Variants in LMO7 observed in about 807,000 individuals in gnomAD.
LMO7 encodes the protein LIM domain 7.
LMO7 carries 120 observed loss-of-function variants against 206.5 expected under a neutral mutation model. The ratio of observed to expected loss-of-function variants is 0.58; its 90% CI spans 0.50 to 0.68. LMO7 has a LOEUF of 0.68. Among genes scored for constraint, LMO7 ranks in the 30% least tolerant of loss-of-function variants. LMO7 has a pLI of 0.00. For missense variants in LMO7, 1,959 were observed against 1,957.9 expected, an observed-to-expected ratio of 1.00 and a Z score of -0.01; for synonymous variants, 706 against 681.5, an observed-to-expected ratio of 1.04 and a Z score of -0.56.
chr13:75,698,968 C>T (rs571354701), intron 1 of LMO7, among the ~76,000 whole-genome samples: 1 of 152,264 alleles, frequency 6.6e-6, no homozygotes, highest in African/African-American at 2.4e-5. Flanking sequence ...AGTCACTCTC[C>T]ATTCTCTCTC....
At chr13:75,779,886 A>C (rs1352017453) in intron 4 of LMO7, among the ~76,000 whole-genome samples, 4 of 152,190 alleles carry the variant, frequency 2.6e-5, no homozygotes, top group Non-Finnish European at 4.4e-5. Context: ...CAGTCTAAGA[A>C]ATAAAGGGAA....
chr13:75,788,320 G>A (rs936535329), intron 4 of LMO7, among the ~76,000 whole-genome samples: 10 of 151,984 alleles, frequency 6.6e-5, no homozygotes, highest in East Asian at 3.9e-4. Context: ...TTAGCCGAGC[G>A]TGTTGGCGGG....
chr13:75,840,349 AT>A, intron 21 of LMO7, 41 bp from the exon 22 acceptor site: 1 of 1,608,252 alleles, frequency 6.2e-7, no homozygotes, highest in Non-Finnish European at 8.5e-7. Context: ...TAATGAAGTT[AT>A]GTTGTTCTCT....
intron 14 of LMO7, 54 bp from the exon 15 acceptor site, chr13:75,823,511 A>G: frequency 7.4e-7 from 1 of 1,345,322 alleles, no homozygotes; most frequent in South Asian, 1.4e-5. Context: ...AACTTTTAAA[A>G]ACAGAAATAA....
intron 2 of LMO7, among the ~76,000 whole-genome samples, chr13:75,726,619 G>C (rs140543193): frequency 1.9e-4 from 29 of 152,210 alleles, no homozygotes; most frequent in African/African-American, 6.7e-4. Flanking sequence ...CTTTAAAAAT[G>C]ATCAGTTTGA....
At position 75,723,518 on chromosome 13, in the gene LMO7, G is replaced by T. The variant is rs1419584467; in HGVS notation, c.141-3511G>T. Among the ~76,000 whole-genome samples, 7 of 152,194 alleles carry T rather than the reference G, an allele frequency of 4.6e-5. No individual in the cohort carries two copies. The East Asian group carries it at 1.2e-3, about 25-fold the overall frequency. On this transcript the variant is annotated intron_variant, in intron 2 of 30. Transcript: ENST00000377534. The stretch of plus-strand genomic sequence containing the variant: ...AGCTTTCTGATAAAGGGAAAAATGA[G>T]ATTTGGCATTTAGAACTAGCTTCTG...
At chr13:75,672,674 A>G (rs2039688291) in intron 1 of LMO7, among the ~76,000 whole-genome samples, 1 of 151,980 alleles carries the variant, frequency 6.6e-6, no homozygotes, top group Non-Finnish European at 1.5e-5. Context: ...TTGCTTTGCC[A>G]CTCTAGATGC....
chr13:75,820,183 C>T (rs964554664), intron 13 of LMO7, among the ~76,000 whole-genome samples: 6 of 152,088 alleles, frequency 3.9e-5, no homozygotes, highest in African/African-American at 9.7e-5. Flanking sequence ...CACTTTCTGC[C>T]CTAAAAGCCA....
chr13:75,693,501 C>A (rs565735359), intron 1 of LMO7, among the ~76,000 whole-genome samples: 1 of 152,158 alleles, frequency 6.6e-6, no homozygotes, highest in Non-Finnish European at 1.5e-5. Context: ...ACTGGGAGCC[C>A]TCCTCCCTAC....
chr13:75,750,010 C>T (rs1449309260), intron 3 of LMO7, among the ~76,000 whole-genome samples: 1 of 151,596 alleles, frequency 6.6e-6, no homozygotes. Context: ...TTAGCTATGC[C>T]ATTATTAGTT....
At chr13:75,652,305 T>G (rs1456544183) in intron 1 of LMO7, among the ~76,000 whole-genome samples, 5 of 152,162 alleles carry the variant, frequency 3.3e-5, no homozygotes. Flanking sequence ...TGTTCCTTAC[T>G]ACCTTTCCCT....
chr13:75,801,002 A>C, intron 7 of LMO7, 120 bp downstream of exon 7: 2 of 844,652 alleles, frequency 2.4e-6, no homozygotes, highest in Non-Finnish European at 3.9e-6. Flanking sequence ...GTGGATTTTC[A>C]TAGAGACTGG....
intron 2 of LMO7, among the ~76,000 whole-genome samples, chr13:75,722,433 A>G (rs912596571): frequency 2.6e-5 from 4 of 152,230 alleles, no homozygotes; most frequent in African/African-American, 9.6e-5. Flanking sequence ...GCCAAAAAGC[A>G]TATGGAAAAA....
chr13:75,727,045 A>C lies in LMO7; in HGVS notation c.157A>C (p.Lys53Gln), dbSNP rs766665512. 5.7e-6 allele frequency: 9 copies of C among 1,585,170 alleles called. No homozygotes were observed. The South Asian group carries it at 7.8e-5, about 14-fold the overall frequency. ...TACTTTCAGTTTGATTAATAAGCTT[A>C]AACCTGGCGTCATTAAGAAGATCAA... ...VLLCDLINKL[K>Q]PGVIKKINRL... Residue 53 changes from lysine (K) to glutamine (Q), a missense_variant, in exon 3 of 31, where the codon AAA becomes CAA. Transcript: ENST00000377534.
chr13:75,795,488 T>G (rs1725204351), intron 5 of LMO7, 57 bp downstream of exon 5: 1 of 1,225,064 alleles, frequency 8.2e-7, no homozygotes, highest in Admixed American at 2.0e-5. Context: ...TCATGTTCTG[T>G]AAGAAGGCAG....
intron 12 of LMO7, chr13:75,819,170 C>A: frequency 2.6e-6 from 1 of 389,802 alleles, no homozygotes; most frequent in Non-Finnish European, 4.6e-6. Context: ...TCTGGGAAAA[C>A]AAAAATGGGG....
chr13:75,826,916 T>C (rs1427934655), intron 15 of LMO7, among the ~76,000 whole-genome samples: 1 of 152,160 alleles, frequency 6.6e-6, no homozygotes, highest in Non-Finnish European at 1.5e-5. Flanking sequence ...CACGTACTTT[T>C]TGGAGCACAT....
rs41287010 is a variant in LMO7 at position 75,835,238 on chromosome 13, C to T, written c.3232C>T (p.Pro1078Ser). 3 of 1,612,004 alleles carry T rather than the reference C, an allele frequency of 1.9e-6. No homozygotes were observed. The highest frequency in any genetic ancestry group is 2.5e-6 in the Non-Finnish European group (3 of 1,178,864). Residue 1078 changes from proline (P) to serine (S), a missense_variant, in exon 18 of 31, where the codon CCT (proline) becomes TCT (serine). Pro to Ser is a moderately conservative substitution (Grantham distance 74). Coordinates refer to ENST00000377534, the MANE Select transcript of LMO7 (RefSeq NM_001306080.2). ...DVRRYGKAGS[P>S]ETKWIDATSG... is the part of the protein sequence containing the mutation. ...TATGGCTACCAAAATTATAGGTTCA[C>T]CTGAAACAAAGTGGATTGATGCAAC...
chr13:75,775,714 C>G (rs1181909759), intron 4 of LMO7, among the ~76,000 whole-genome samples: 1 of 152,008 alleles, frequency 6.6e-6, no homozygotes, highest in Non-Finnish European at 1.5e-5. Context: ...TGCTCAACAT[C>G]ACTGATCATC....
Sources: allele counts gnomAD v4.1 joint callset (sites outside exome capture counted in the v4.1 genomes callset), GRCh38; gene constraint gnomAD v4.1.1; transcripts MANE v1.5; gene names NCBI Gene and HGNC (gene_info 2026-07-23, HGNC 2026-07-21).